The following IL1RAPL1 variants were observed in gnomAD, a reference collection of about 807,000 sequenced individuals.
The protein encoded by IL1RAPL1 is interleukin 1 receptor accessory protein like 1, also known as interleukin-1 receptor accessory protein-like 1.
In IL1RAPL1, 3 loss-of-function variants were observed where a neutral mutation model predicts 48.4. The ratio of observed to expected loss-of-function variants is 0.06; its 90% CI spans 0.03 to 0.16. The LOEUF is 0.16. Ranked by LOEUF, IL1RAPL1 falls within the 10% of genes least tolerant of loss-of-function variation. The probability of loss-of-function intolerance (pLI) is 1.00; values close to 1 mark genes in which losing one functional copy is unlikely to be tolerated. For missense variants in IL1RAPL1, 349 were observed against 530.6 expected (o/e 0.66, Z 3.36); for synonymous variants, 185 against 187.7 (o/e 0.99, Z 0.12).
intron 5 of IL1RAPL1, among the ~76,000 whole-genome samples, chrX:29,536,306 G>T (rs1289718300): frequency 9.0e-6 from 1 of 111,705 alleles, no homozygotes; most frequent in Non-Finnish European, 1.9e-5. Flanking sequence ...GATATGTATG[G>T]ACAAGAAAAA....
chrX:28,947,288 A>G (rs746161207), intron 2 of IL1RAPL1, among the ~76,000 whole-genome samples: 107 of 111,740 alleles, frequency 9.6e-4, no homozygotes, highest in Non-Finnish European at 1.6e-3. Flanking sequence ...TTTGATTTTC[A>G]TCATTCTGAA....
chrX:29,230,530 A>C (rs965361173), intron 2 of IL1RAPL1, among the ~76,000 whole-genome samples: 2 of 99,409 alleles, frequency 2.0e-5, no homozygotes, highest in South Asian at 4.6e-4. Context: ...AAAAAAAAAA[A>C]AAAAACCTTG....
In IL1RAPL1 at chrX:29,408,944, G is replaced by A. The variant is rs777628551; in HGVS notation, c.703+9636G>A. 8.9e-5 allele frequency among the ~76,000 whole-genome samples: 10 copies of A among 112,209 alleles called. No individual in the cohort carries two copies. The South Asian group carries it at 3.6e-3, about 41-fold the overall frequency. On this transcript the variant is annotated intron_variant, in intron 5 of 10. Coordinates refer to ENST00000378993, the MANE Select transcript of IL1RAPL1 (RefSeq NM_014271.4). ...TCGCTATGAGAGATTTATATTTTAA[G>A]TGCAACGGAAACACATTTAACTGAG...
intron 3 of IL1RAPL1, among the ~76,000 whole-genome samples, chrX:29,285,119 G>A (rs756715631): frequency 9.0e-6 from 1 of 111,651 alleles, no homozygotes; most frequent in African/African-American, 3.3e-5. Flanking sequence ...ACTTATTATT[G>A]ATGGAAAAAT....
chrX:29,192,057 CTAT>C (rs1408707195), intron 2 of IL1RAPL1, among the ~76,000 whole-genome samples: 3 of 111,762 alleles, frequency 2.7e-5, no homozygotes, highest in Non-Finnish European at 5.6e-5. Flanking sequence ...AGGCAGCAGT[CTAT>C]TCTTTCGTTC....
chrX:29,228,236 T>C (rs1266222196), intron 2 of IL1RAPL1, among the ~76,000 whole-genome samples: 2 of 101,522 alleles, frequency 2.0e-5, no homozygotes, highest in African/African-American at 7.2e-5. Flanking sequence ...CTGTGACCAT[T>C]ATGATGATTT....
intron 3 of IL1RAPL1, among the ~76,000 whole-genome samples, chrX:29,335,730 C>T (rs1049854265): frequency 1.8e-5 from 2 of 111,483 alleles, no homozygotes; most frequent in Admixed American, 1.9e-4. Flanking sequence ...TAGACTTGAC[C>T]TGAGGCCTTT....
chrX:29,921,773 G>A (rs892768578), intron 8 of IL1RAPL1, among the ~76,000 whole-genome samples: 2 of 111,755 alleles, frequency 1.8e-5, no homozygotes, highest in East Asian at 5.6e-4. Flanking sequence ...CACTTTCACT[G>A]TCTATCCATT....
intron 5 of IL1RAPL1, among the ~76,000 whole-genome samples, chrX:29,467,398 G>C (rs980779996): frequency 1.8e-5 from 2 of 112,500 alleles, no homozygotes; most frequent in Non-Finnish European, 3.8e-5. Context: ...ATGGTTGACT[G>C]CATGAATTTA....
intron 1 of IL1RAPL1, among the ~76,000 whole-genome samples, chrX:28,767,416 G>A (rs1227526233): frequency 9.1e-6 from 1 of 110,403 alleles, no homozygotes; most frequent in African/African-American, 3.3e-5. Context: ...TGACCCCTGA[G>A]ATAGTTGATA....
chrX:29,141,420 G>A (rs754437560), intron 2 of IL1RAPL1, among the ~76,000 whole-genome samples: 292 of 111,100 alleles, frequency 2.6e-3, no homozygotes, highest in Non-Finnish European at 4.7e-3. Context: ...TTGAATTATT[G>A]GGGAAAATAA....
chrX:28,707,027 A>G (rs763639308), intron 1 of IL1RAPL1, among the ~76,000 whole-genome samples: 1 of 112,498 alleles, frequency 8.9e-6, no homozygotes, highest in African/African-American at 3.2e-5. Flanking sequence ...TTAGTTAGCA[A>G]ACAGAACCTG....
At chrX:29,686,848 G>A (rs1444681733) in intron 6 of IL1RAPL1, among the ~76,000 whole-genome samples, 2 of 110,549 alleles carry the variant, frequency 1.8e-5, no homozygotes, top group African/African-American at 3.3e-5. Context: ...ATGAGCCACC[G>A]TGCCCAGCCT....
intron 5 of IL1RAPL1, among the ~76,000 whole-genome samples, chrX:29,407,813 A>G (rs1934093446): frequency 8.9e-6 from 1 of 112,467 alleles, no homozygotes; most frequent in Non-Finnish European, 1.9e-5. Context: ...ATAAGTGGAA[A>G]TTATTCTAAG....
intron 6 of IL1RAPL1, among the ~76,000 whole-genome samples, chrX:29,897,473 TAA>T (rs762895759): frequency 1.7e-4 from 19 of 112,256 alleles, no homozygotes; most frequent in Middle Eastern, 4.6e-3. Flanking sequence ...TTAGCTGTAC[TAA>T]AAGAGCTATA....
intron 5 of IL1RAPL1, among the ~76,000 whole-genome samples, chrX:29,651,215 G>A (rs1271205981): frequency 9.0e-6 from 1 of 110,757 alleles, no homozygotes; most frequent in African/African-American, 3.3e-5. Flanking sequence ...CAGTATGGAG[G>A]TTCTTAAACA....
At chrX:29,160,308 ATGTT>A (rs1162491946) in intron 2 of IL1RAPL1, among the ~76,000 whole-genome samples, 1 of 111,537 alleles carries the variant, frequency 9.0e-6, no homozygotes, top group Non-Finnish European at 1.9e-5. Context: ...AATAAATATT[ATGTT>A]TGTTATTTTT....
intron 6 of IL1RAPL1, among the ~76,000 whole-genome samples, chrX:29,892,668 C>G (rs1296430717): frequency 8.9e-6 from 1 of 111,915 alleles, no homozygotes; most frequent in African/African-American, 3.2e-5. Context: ...AAAATACTGT[C>G]CAGCCATGGA....
At chrX:29,262,663 CAA>C (rs768734185) in intron 2 of IL1RAPL1, among the ~76,000 whole-genome samples, 10 of 78,235 alleles carry the variant, frequency 1.3e-4, no homozygotes, top group Non-Finnish European at 1.0e-4. Context: ...AACTCCATCT[CAA>C]AAAAAAAAAA....
Sources: allele counts gnomAD v4.1 joint callset (sites outside exome capture counted in the v4.1 genomes callset), GRCh38; gene constraint gnomAD v4.1.1; transcripts MANE v1.5; gene names NCBI Gene and HGNC (gene_info 2026-07-23, HGNC 2026-07-21).